Variants in KMT2D observed in about 807,000 individuals in gnomAD.
KMT2D encodes the protein histone-lysine N-methyltransferase 2D.
Under a neutral mutation model 512.7 loss-of-function variants are expected in KMT2D, and 55 were observed. That is an observed-to-expected ratio of 0.11 (90% confidence interval 0.09 to 0.13). KMT2D has a LOEUF of 0.13. Ranked by LOEUF, KMT2D falls within the 10% of genes least tolerant of loss-of-function variation. The pLI is 1.00. For missense variants in KMT2D, 6,061 were observed against 7,127.9 expected (o/e 0.85, Z 5.39); for synonymous variants, 2,995 against 2,904.0 (o/e 1.03, Z -1.01).
At position 49,022,091 on chromosome 12, in the gene KMT2D, C is replaced by G. The variant is rs778002036; in HGVS notation, c.16473G>C (p.Glu5491Asp). ...CVAEVVTFDK[E>D]DKIIIISSRR... ...GGCTGGAGATGATGATGATTTTGTC[C>G]TCTTTGTCAAATGTCACGACTTCGG... is the stretch of plus-strand genomic sequence containing the variant. Residue 5491 changes from glutamate to aspartate, a missense_variant, in exon 54 of 55, where the codon GAG becomes GAC. Coordinates refer to ENST00000301067, the MANE Select transcript of KMT2D (RefSeq NM_003482.4). The surrounding 1 kb of genome is among the most constrained non-coding windows in gnomAD (Gnocchi z 8.6). 6.2e-7 allele frequency: 1 copy of G among 1,613,942 alleles called. No individual in the cohort carries two copies. Among genetic ancestry groups the G allele is most frequent in the Non-Finnish European group, 8.5e-7 (1 of 1,179,884 alleles).
rs1036258230 is a variant in KMT2D, at chr12:49,049,622, G to C, written c.3906+60C>G. On this transcript the variant is annotated intron_variant, in intron 12 of 54. Coordinates refer to ENST00000301067, the MANE Select transcript of KMT2D (RefSeq NM_003482.4). ...AGGTGGGAAAGTATCAGTGACACAG[G>C]ACTGTACCTCTGACAGTGGGCTAAC... 2.7e-6 allele frequency: 4 copies of C among 1,495,952 alleles called. No individual in the cohort carries two copies. The African/African-American group carries it at 5.6e-5, about 21-fold the overall frequency. 92.7% of individuals were successfully genotyped at this position (1,495,952 alleles called of 1,614,324 possible).
rs781148161 is a variant in KMT2D at position 49,033,645 on chromosome 12, C to G, written c.11060G>C (p.Gly3687Ala). The G allele has an allele frequency of 2.5e-6, 4 of 1,613,764 alleles. No individual in the cohort carries two copies. In the South Asian group the frequency reaches 3.3e-5, roughly 13 times the overall value. ...AGGGCCAGCCAGGGATCCAGCCCCA[C>G]CAGAATGTTGCTGTTGCTGCTGTTG... Reference protein sequence around the residue: ...LAQQQQQQHSGGAGSLAGPSG... With the variant: ...LAQQQQQQHSAGAGSLAGPSG... The change falls in exon 40 of 55, where the codon GGT (glycine) becomes GCT (alanine). Residue 3687 changes from glycine (G) to alanine (A), a missense_variant. This residue lies in a region of KMT2D where 1,600 missense variants were observed against 1,754.9 expected (regional missense o/e 0.91). Coordinates refer to ENST00000301067, the MANE Select transcript of KMT2D (RefSeq NM_003482.4).
Position 49,026,091 on chromosome 12 carries a change from A to C in KMT2D, c.15784+91T>G. 1 of 1,245,948 alleles carries C rather than the reference A, an allele frequency of 8.0e-7. No individual in the cohort carries two copies. Among genetic ancestry groups the C allele is most frequent in the Non-Finnish European group, 1.1e-6 (1 of 902,880 alleles). The allele number at this position is 1,245,948 out of a possible 1,614,324, so 77.2% of individuals were successfully genotyped here. A position where few individuals can be genotyped will look rare whatever the true frequency, so the allele number is the denominator to read the frequency against. On this transcript the variant is annotated intron_variant, in intron 49 of 54. Coordinates refer to ENST00000301067, the MANE Select transcript of KMT2D (RefSeq NM_003482.4). This position sits in a 1 kb window ranked among gnomAD's most constrained non-coding sequence, Gnocchi z 9.6. The stretch of plus-strand genomic sequence containing the variant: ...GGGGAAGGAGGATCATTCACATAGA[A>C]GCTACAGGTCCTCTTATAGACATTG...
chr12:49,034,330 C>A, intron 38 of KMT2D, 31 bp from the exon 39 acceptor site: 3 of 1,610,608 alleles, frequency 1.9e-6, no homozygotes, highest in Middle Eastern at 3.3e-4. Flanking sequence ...TCAGGACCTG[C>A]AAAAGGGTAA....
chr12:49,051,794 G>C lies in KMT2D; in HGVS notation c.1889C>G (p.Pro630Arg), dbSNP rs1219465156. 1 of 1,612,766 alleles carries C rather than the reference G, an allele frequency of 6.2e-7. No individual in the cohort carries two copies. Among genetic ancestry groups the C allele is most frequent in the Non-Finnish European group, 8.5e-7 (1 of 1,179,088 alleles). Residue 630 changes from proline (P) to arginine (R), a missense_variant, in exon 11 of 55, where the codon CCT becomes CGT. Around this residue, in one of 16 missense-constraint regions of KMT2D, gnomAD observed 848 missense variants for 838.5 expected, o/e 1.01. Transcript: ENST00000301067. ...PPEASRLSPP[P>R]EDSPMSPPPE... The stretch of plus-strand genomic sequence containing the variant: ...TGGTGGGGACATAGGCGAGTCCTCA[G>C]GTGGTGGGGACAGGCGTGATGCCTC...
rs545278019 is a variant in KMT2D, at chr12:49,043,821, C to G, written c.5320-39G>C. The G allele has an allele frequency of 4.3e-6, 7 of 1,613,814 alleles. No individual in the cohort carries two copies. The South Asian group carries it at 7.7e-5, about 18-fold the overall frequency. On this transcript the variant is annotated intron_variant, in intron 23 of 54. Coordinates refer to ENST00000301067, the MANE Select transcript of KMT2D (RefSeq NM_003482.4). ...AAGGAGAAACAGTTTTCTTCATGCCCTGCAGGGCACAGACACCTCCCTCAC... is the reference window on the plus strand; with the variant it reads ...AAGGAGAAACAGTTTTCTTCATGCCGTGCAGGGCACAGACACCTCCCTCAC...
chr12:49,039,080 G>A lies in KMT2D; in HGVS notation c.8367-91C>T. 1.3e-6 allele frequency: 2 copies of A among 1,510,404 alleles called. No individual in the cohort carries two copies. The highest frequency in any genetic ancestry group is 2.3e-5 in the East Asian group (1 of 43,676). 93.6% of individuals were successfully genotyped at this position (1,510,404 alleles called of 1,614,324 possible). On this transcript the variant is annotated intron_variant, in intron 34 of 54. Transcript: ENST00000301067. This position sits in a 1 kb window ranked among gnomAD's most constrained non-coding sequence, Gnocchi z 5.0. ...GGCAGTGAGGAAGGATAGAATTAAT[G>A]CAGTGAGGGAGAAAAGGAATGAGGA...
Position 49,040,442 on chromosome 12 carries a change from C to A in KMT2D, c.7328G>T (p.Arg2443Leu), listed in dbSNP as rs780776865. 3 of 1,557,400 alleles carry A rather than the reference C, an allele frequency of 1.9e-6. No homozygotes were observed. Among genetic ancestry groups the A allele is most frequent in the Non-Finnish European group, 2.6e-6 (3 of 1,150,948 alleles). ...EAFCPSPVTP[R>L]FQSPDPYSRP... ...AGAATAAGGGTCAGGGGACTGGAAG[C>A]GAGGGGTAACGGGTGATGGGCAAAA... Residue 2443 changes from arginine (R) to leucine (L), a missense_variant, in exon 32 of 55, where the codon CGC (arginine) becomes CTC (leucine). Transcript: ENST00000301067.
chr12:49,041,641 C>T lies in KMT2D; in HGVS notation c.6234+14G>A, dbSNP rs1359371991. 1 of 1,613,528 alleles carries T rather than the reference C, an allele frequency of 6.2e-7. No homozygotes were observed. The highest frequency in any genetic ancestry group is 8.5e-7 in the Non-Finnish European group (1 of 1,179,630). ...CACTAGAGGACTGCTACACCCCAGC[C>T]CAGCCCCACTCACCTTCTGCACCTT... On this transcript the variant is annotated intron_variant, in intron 31 of 54. Transcript: ENST00000301067. This position sits in a 1 kb window ranked among gnomAD's most constrained non-coding sequence, Gnocchi z 5.4.
At position 49,050,251 on chromosome 12, in the gene KMT2D, C is replaced by G. The variant is rs1178360990; in HGVS notation, c.3337G>C (p.Asp1113His). ...TCTTCCCCTAGGCCAGAGAAGTCAT[C>G]CAGGGCTGGGGCAGGGCTGGGGGCG... ...CPAPSPAPAL[D>H]DFSGLGEDTA... The change falls in exon 12 of 55, where the codon GAT becomes CAT. Residue 1113 changes from aspartate to histidine, a missense_variant. Transcript: ENST00000301067. 3.7e-6 allele frequency: 6 copies of G among 1,612,814 alleles called. No homozygotes were observed. Among genetic ancestry groups the G allele is most frequent in the Middle Eastern group, 1.6e-4 (1 of 6,084 alleles).
intron 7 of KMT2D, 73 bp downstream of exon 7, chr12:49,053,403 T>C: frequency 1.2e-6 from 2 of 1,606,944 alleles, no homozygotes; most frequent in South Asian, 2.2e-5. Context: ...TAACAGGCCT[T>C]CTCCGACTGC....
Position 49,042,473 on chromosome 12 carries a change from G to C in KMT2D, c.5867+88C>G. ...AATGGGGAGGAGCAGGGGAAGTGCT[G>C]CAGGAGTCCGAGGGAGGCAAAGCAT... On this transcript the variant is annotated intron_variant, in intron 28 of 54. Transcript: ENST00000301067. The surrounding 1 kb of genome is among the most constrained non-coding windows in gnomAD (Gnocchi z 4.4). The C allele has an allele frequency of 6.5e-7, 1 of 1,530,778 alleles. No homozygotes were observed. 94.8% of individuals were successfully genotyped at this position (1,530,778 alleles called of 1,614,324 possible). A position where few individuals can be genotyped will look rare whatever the true frequency, so the allele number is the denominator to read the frequency against.
Position 49,041,018 on chromosome 12 carries a change from G to A in KMT2D, c.6752C>T (p.Ser2251Leu), listed in dbSNP as rs189199944. 2,597 of 1,582,118 alleles carry A rather than the reference G, an allele frequency of 1.6e-3. 8 individuals are homozygous for A. The highest frequency in any genetic ancestry group is 0.012 in the Admixed American group (676 of 56,442). The change falls in exon 32 of 55, where the codon TCG becomes TTG. Residue 2251 changes from serine (S) to leucine (L), a missense_variant. By Grantham distance (145) the Ser-to-Leu change is moderately radical. Coordinates refer to ENST00000301067, the MANE Select transcript of KMT2D (RefSeq NM_003482.4). This position sits in a 1 kb window ranked among gnomAD's most constrained non-coding sequence, Gnocchi z 5.4. ...CTCAGGCACAGCCAAGTTATCCAGC[G>A]AGGGGCAGCGGGGTTTGAGGAATGG... Reference protein sequence around the residue: ...PDPFLKPRCPSLDNLAVPESP... With the variant: ...PDPFLKPRCPLLDNLAVPESP...
Position 49,053,645 on chromosome 12 carries a change from C to T in KMT2D, c.674-4G>A, listed in dbSNP as rs371522093. ...CACACTGCACAGCGAGCCTCCTCTG[C>T]AGGGGGTAGAGACACCACAGGTCAG... On this transcript the variant is annotated splice_polypyrimidine_tract_variant and splice_region_variant and intron_variant, in intron 6 of 54. Transcript: ENST00000301067. The T allele has an allele frequency of 3.9e-5, 62 of 1,589,392 alleles. No homozygotes were observed. The highest frequency in any genetic ancestry group is 5.1e-5 in the Non-Finnish European group (60 of 1,168,334).
Position 49,041,767 on chromosome 12 carries a change from T to G in KMT2D, c.6184-62A>C. Reference sequence around the variant, plus strand: ...TTGGTCTCATGCCCCGCCCCCATACTGTAGTGTTTTCACACTCCCTACCCA... The same window carrying G: ...TTGGTCTCATGCCCCGCCCCCATACGGTAGTGTTTTCACACTCCCTACCCA... On this transcript the variant is annotated intron_variant, in intron 30 of 54. Transcript: ENST00000301067. The surrounding 1 kb of genome is among the most constrained non-coding windows in gnomAD (Gnocchi z 5.4). 1.3e-6 allele frequency: 2 copies of G among 1,558,932 alleles called. No individual in the cohort carries two copies. Among genetic ancestry groups the G allele is most frequent in the Non-Finnish European group, 1.7e-6 (2 of 1,146,544 alleles).
Position 49,052,699 on chromosome 12 carries a change from G to C in KMT2D, c.1123C>G (p.Pro375Ala). The C allele has an allele frequency of 6.2e-7, 1 of 1,613,574 alleles. No homozygotes were observed. The highest frequency in any genetic ancestry group is 8.5e-7 in the Non-Finnish European group (1 of 1,179,656). ...TCAGTGGGGGTATCGCCAGGCTCTG[G>C]GGGTGAAAATCTGCAGAGGGTACAG... is the stretch of plus-strand genomic sequence containing the variant. ...HTPVCSRFSP[P>A]EPGDTPTDEP... The change falls in exon 10 of 55, where the codon CCA becomes GCA. Residue 375 changes from proline (P) to alanine (A), a missense_variant. By Grantham distance (27) the Pro-to-Ala change is conservative (BLOSUM62 -1). Transcript: ENST00000301067.
Position 49,033,824 on chromosome 12 carries a change from C to A in KMT2D, c.10881G>T (p.Leu3627=). ...GCAGCTGACCAGGGAGCTTGGTGAG[C>A]AGCCGGGGACTCTGGGAAGGGCTGA... ...LALSPSQSPR[L]LTKLPGQLLP... Residue 3627 remains leucine, a synonymous_variant, in exon 40 of 55, where the codon CTG becomes CTT. Transcript: ENST00000301067. 1 of 1,579,172 alleles carries A rather than the reference C, an allele frequency of 6.3e-7. No homozygotes were observed. The highest frequency in any genetic ancestry group is 8.6e-7 in the Non-Finnish European group (1 of 1,163,454).
At position 49,042,628 on chromosome 12, in the gene KMT2D, T is replaced by C; in HGVS notation, c.5800A>G (p.Asn1934Asp). 1 of 1,613,666 alleles carries C rather than the reference T, an allele frequency of 6.2e-7. No individual in the cohort carries two copies. The highest frequency in any genetic ancestry group is 8.5e-7 in the Non-Finnish European group (1 of 1,179,708). Reference sequence around the variant, plus strand: ...TCCATTGGGCTGCTGGAGGGCAGATTGCCCAAAGGGAGTCCACCTACAAGA... The same window carrying C: ...TCCATTGGGCTGCTGGAGGGCAGATCGCCCAAAGGGAGTCCACCTACAAGA... ...PFLQGGLPLG[N>D]LPSSSPMDSY... The change falls in exon 28 of 55, where the codon AAT becomes GAT. Residue 1934 changes from asparagine (N) to aspartate (D), a missense_variant. Asn to Asp is a conservative substitution (Grantham distance 23). Coordinates refer to ENST00000301067, the MANE Select transcript of KMT2D (RefSeq NM_003482.4). This position sits in a 1 kb window ranked among gnomAD's most constrained non-coding sequence, Gnocchi z 4.4.
intron 1 of KMT2D, among the ~76,000 whole-genome samples, chr12:49,058,125 C>T (rs563940324): frequency 6.8e-4 from 104 of 152,196 alleles, no homozygotes; most frequent in Non-Finnish European, 1.3e-3. Flanking sequence ...CAAACCACAC[C>T]TCTTCCCACC....
Sources: gnomAD v4.1 joint callset for allele counts (sites outside exome capture counted in the v4.1 genomes callset) on GRCh38, gnomAD v4.1.1 for gene constraint, gnomAD v4.1.1 regional missense constraint, Gnocchi (gnomAD v3.1) non-coding constraint, MANE v1.5 for transcripts, NCBI Gene and HGNC (gene_info 2026-07-23, HGNC 2026-07-21) for gene names.